Variants in CDC42SE2 observed in about 807,000 individuals in gnomAD.
CDC42SE2 encodes CDC42 small effector 2.
CDC42SE2 carries 3 observed loss-of-function variants against 11.5 expected under a neutral mutation model. The observed-to-expected ratio is 0.26, with a 90% CI of 0.12 to 0.67. The LOEUF is 0.67. Among genes scored for constraint, CDC42SE2 ranks in the 30% least tolerant of loss-of-function variants. CDC42SE2 has a pLI of 0.80. For synonymous variants in CDC42SE2, 33 were observed against 34.8 expected (o/e 0.95, Z 0.18); for missense variants, 82 against 106.8 (o/e 0.77, Z 1.02).
At chr5:131,363,050 A>T (rs1447378896) in intron 3 of CDC42SE2, among the ~76,000 whole-genome samples, 1 of 152,072 alleles carries the variant, frequency 6.6e-6, no homozygotes, top group Non-Finnish European at 1.5e-5. Context: ...AGGCTGAGGC[A>T]GGAGAACTGC....
upstream of CDC42SE2, among the ~76,000 whole-genome samples, chr5:131,245,319 A>G (rs1756572238): frequency 6.6e-6 from 1 of 152,172 alleles, no homozygotes; most frequent in Non-Finnish European, 1.5e-5. Flanking sequence ...TGTTCTGGGT[A>G]CTGACATACT....
intron 1 of CDC42SE2, among the ~76,000 whole-genome samples, chr5:131,249,560 G>A (rs1373307827): frequency 6.6e-6 from 1 of 152,092 alleles, no homozygotes; most frequent in Non-Finnish European, 1.5e-5. Context: ...GGAAGAAACT[G>A]GATTCCTACC....
chr5:131,318,403 C>T (rs1758095170), intron 2 of CDC42SE2, among the ~76,000 whole-genome samples: 1 of 152,108 alleles, frequency 6.6e-6, no homozygotes, highest in South Asian at 2.1e-4. Flanking sequence ...GAACATGTTT[C>T]CTACCTAAGA....
intron 1 of CDC42SE2, among the ~76,000 whole-genome samples, chr5:131,315,340 A>G (rs1758018998): frequency 6.6e-6 from 1 of 152,180 alleles, no homozygotes; most frequent in South Asian, 2.1e-4. Context: ...CCCTTATGCT[A>G]TATTATATCC....
chr5:131,295,533 A>G (rs752028509), intron 1 of CDC42SE2, among the ~76,000 whole-genome samples: 12 of 152,190 alleles, frequency 7.9e-5, no homozygotes, highest in Non-Finnish European at 1.8e-4. Context: ...AGAGTATGCT[A>G]CCATTTAAAT....
chr5:131,215,511 A>G, the CDC42SE2 span, among the ~76,000 whole-genome samples: 1 of 152,312 alleles, frequency 6.6e-6, no homozygotes, highest in Middle Eastern at 3.4e-3. Flanking sequence ...ATTCTTCACT[A>G]TTGCTGCAGT....
chr5:131,246,804 C>T (rs1379726154), intron 1 of CDC42SE2, among the ~76,000 whole-genome samples: 2 of 136,444 alleles, frequency 1.5e-5, no homozygotes, highest in Non-Finnish European at 3.1e-5. Flanking sequence ...AGTGCAATGG[C>T]GTGATCTCAG....
At chr5:131,275,531 T>C (rs1757083976) in intron 1 of CDC42SE2, among the ~76,000 whole-genome samples, 1 of 152,134 alleles carries the variant, frequency 6.6e-6, no homozygotes. Context: ...TGACCTCAAG[T>C]GATCCACCCA....
At chr5:131,357,872 G>A (rs1013845529) in intron 2 of CDC42SE2, among the ~76,000 whole-genome samples, 2 of 152,128 alleles carry the variant, frequency 1.3e-5, no homozygotes, top group South Asian at 2.1e-4. Context: ...TGTTGCCAGC[G>A]CCACACTGTG....
intron 2 of CDC42SE2, among the ~76,000 whole-genome samples, chr5:131,325,463 C>A (rs1758276005): frequency 6.7e-6 from 1 of 148,486 alleles, no homozygotes; most frequent in Non-Finnish European, 1.5e-5. Context: ...TCCCATTTAT[C>A]TATTGGAGAT....
At chr5:131,347,356 A>G (rs1301736708) in intron 2 of CDC42SE2, among the ~76,000 whole-genome samples, 5 of 152,230 alleles carry the variant, frequency 3.3e-5, no homozygotes, top group East Asian at 1.9e-4. Context: ...TACCATCAGA[A>G]AATACTATAA....
In CDC42SE2 at chr5:131,264,109, G is replaced by C. The variant is rs982751644; in HGVS notation, c.-512G>C. ...TGCAGGCGTTGGGGCGGCAGGAGCC[G>C]CGGAGCCGGCGCTGAGAGGGGCTGC... is the stretch of plus-strand genomic sequence containing the variant. On this transcript the variant is annotated 5_prime_UTR_variant, in exon 1 of 5. Transcript: ENST00000505065. 5 of 152,344 alleles carry C rather than the reference G, an allele frequency of 3.3e-5. No homozygotes were observed. Among genetic ancestry groups the C allele is most frequent in the African/African-American group, 1.2e-4 (5 of 41,448 alleles). The allele number at this position is 152,344 out of a possible 1,614,324, so 9.4% of individuals were successfully genotyped here.
chr5:131,270,387 A>T (rs1756968603), intron 1 of CDC42SE2, among the ~76,000 whole-genome samples: 1 of 151,984 alleles, frequency 6.6e-6, no homozygotes, highest in Non-Finnish European at 1.5e-5. Context: ...AGAAAAAAAT[A>T]AAAAAATAAA....
chr5:131,326,763 GTTATATTTATTTTTTA>G (rs949255941), intron 2 of CDC42SE2, among the ~76,000 whole-genome samples: 1 of 151,786 alleles, frequency 6.6e-6, no homozygotes, highest in Admixed American at 6.6e-5. Context: ...CTTAAATTTT[GTTATATTTATTTTTTA>G]TTATGTTTAT....
At chr5:131,390,683 A>G (rs1184026848) in intron 4 of CDC42SE2, among the ~76,000 whole-genome samples, 1 of 152,080 alleles carries the variant, frequency 6.6e-6, no homozygotes, top group Non-Finnish European at 1.5e-5. Context: ...AAAAAAAAAG[A>G]AAGTGGAGTT....
chr5:131,276,429 A>G (rs114692193), intron 1 of CDC42SE2, among the ~76,000 whole-genome samples: 1,988 of 151,912 alleles, frequency 0.013, 44 homozygotes, highest in African/African-American at 0.044. Flanking sequence ...ACCCTGGGTG[A>G]CAGAATGAGA....
intron 2 of CDC42SE2, among the ~76,000 whole-genome samples, chr5:131,358,355 C>T (rs1749613537): frequency 1.3e-5 from 2 of 152,148 alleles, no homozygotes; most frequent in Non-Finnish European, 2.9e-5. Flanking sequence ...TGCCTAGAAT[C>T]AGAGATTGAT....
chr5:131,362,422 GTT>G (rs1175453067), intron 3 of CDC42SE2, among the ~76,000 whole-genome samples: 1 of 152,084 alleles, frequency 6.6e-6, no homozygotes, highest in African/African-American at 2.4e-5. Flanking sequence ...AATAATTTTT[GTT>G]TCTTTACATT....
At chr5:131,320,413 A>T (rs1404187836) in intron 2 of CDC42SE2, among the ~76,000 whole-genome samples, 2 of 126,188 alleles carry the variant, frequency 1.6e-5, no homozygotes, top group South Asian at 2.4e-4. Flanking sequence ...AAATAAGATT[A>T]AAAAAAAAAA....
Sources: allele counts gnomAD v4.1 joint callset (sites outside exome capture counted in the v4.1 genomes callset), GRCh38; gene constraint gnomAD v4.1.1; transcripts MANE v1.5; gene names NCBI Gene and HGNC (gene_info 2026-07-23, HGNC 2026-07-21).